ROBO2: variants seen among roughly 807,000 people sequenced by gnomAD.
ROBO2 encodes roundabout homolog 2.
Under a neutral mutation model 160.8 loss-of-function variants are expected in ROBO2, and 53 were observed. The observed-to-expected ratio is 0.33, with a 90% CI of 0.26 to 0.41. The LOEUF (loss-of-function observed/expected upper bound fraction) is 0.41. Among genes scored for constraint, ROBO2 ranks in the 10% least tolerant of loss-of-function variants. The pLI, the probability that ROBO2 is intolerant of heterozygous loss-of-function variation, is 1.00. For synonymous variants in ROBO2, 664 were observed against 611.7 expected (o/e 1.09, Z -1.26); for missense variants, 1,577 against 1,722.4 (o/e 0.92, Z 1.49).
At chr3:77,292,458 A>G (rs1317407380) in intron 2 of ROBO2, among the ~76,000 whole-genome samples, 2 of 151,992 alleles carry the variant, frequency 1.3e-5, no homozygotes, top group East Asian at 3.9e-4. Context: ...ATAAAGAAAA[A>G]TTGATGCTTA....
At chr3:76,703,019 T>C (rs1432954563) in intron 2 of ROBO2, among the ~76,000 whole-genome samples, 1 of 152,162 alleles carries the variant, frequency 6.6e-6, no homozygotes, top group African/African-American at 2.4e-5. Flanking sequence ...GGGTCAAGCC[T>C]AGTCAGAAGT....
chr3:76,338,590 C>A (rs2074031050), intron 2 of ROBO2, among the ~76,000 whole-genome samples: 2 of 151,962 alleles, frequency 1.3e-5, no homozygotes, highest in East Asian at 3.9e-4. Context: ...CAGGAAGGAT[C>A]ATTTGAGCCC....
intron 2 of ROBO2, among the ~76,000 whole-genome samples, chr3:75,962,496 G>A (rs1030580337): frequency 3.4e-4 from 52 of 151,622 alleles, no homozygotes; most frequent in African/African-American, 1.2e-3. Flanking sequence ...CTTTGCCTCC[G>A]ATATAACTGG....
chr3:76,459,990 A>T (rs890605242), intron 2 of ROBO2, among the ~76,000 whole-genome samples: 2 of 152,166 alleles, frequency 1.3e-5, no homozygotes, highest in Non-Finnish European at 2.9e-5. Flanking sequence ...GAATGTAAGA[A>T]TATTACTATT....
intron 2 of ROBO2, among the ~76,000 whole-genome samples, chr3:76,304,747 C>CTTCCTTCCTTCCTTCTTTCTTTCT (rs1553700107): frequency 9.8e-6 from 1 of 101,626 alleles, no homozygotes; most frequent in Non-Finnish European, 2.2e-5. Context: ...CTTTTCTTTC[C>CTTCCTTCCTTCCTTCTTTCTTTCT]TTCTTTCTTT....
chr3:76,890,179 C>G (rs1401319400), intron 2 of ROBO2, among the ~76,000 whole-genome samples: 2 of 152,120 alleles, frequency 1.3e-5, no homozygotes, highest in Non-Finnish European at 2.9e-5. Flanking sequence ...GGTTATTGAG[C>G]TATTACCAAG....
At chr3:76,852,116 G>C (rs1257695960) in intron 2 of ROBO2, among the ~76,000 whole-genome samples, 1 of 152,142 alleles carries the variant, frequency 6.6e-6, no homozygotes, top group African/African-American at 2.4e-5. Flanking sequence ...TAATGAGCAA[G>C]GAACTCCCTT....
chr3:76,942,511 C>T (rs980715194), intron 2 of ROBO2, among the ~76,000 whole-genome samples: 1 of 152,104 alleles, frequency 6.6e-6, no homozygotes, highest in Non-Finnish European at 1.5e-5. Context: ...AGAGTGTTGG[C>T]CTCACTTATC....
chr3:76,645,422 T>A (rs541477615), intron 2 of ROBO2, among the ~76,000 whole-genome samples: 65 of 152,346 alleles, frequency 4.3e-4, no homozygotes, highest in Admixed American at 1.2e-3. Context: ...AGAGCAGTAC[T>A]TTTTGTTCAG....
intron 2 of ROBO2, among the ~76,000 whole-genome samples, chr3:77,275,131 TTAATA>T (rs10593080): frequency 0.021 from 3,176 of 152,170 alleles, 50 homozygotes; most frequent in Non-Finnish European, 0.031. Flanking sequence ...ATTACATAAT[TTAATA>T]TATCAATGAA....
At chr3:76,319,416 C>T (rs1472317) in intron 2 of ROBO2, among the ~76,000 whole-genome samples, 139,674 of 152,064 alleles carry the variant, frequency 0.92, 65,101 homozygotes, top group Non-Finnish European at 1. Flanking sequence ...CCTCCATAAA[C>T]TTATAATTTA....
chr3:77,218,268 T>C (rs960926102), intron 2 of ROBO2, among the ~76,000 whole-genome samples: 1 of 152,164 alleles, frequency 6.6e-6, no homozygotes, highest in African/African-American at 2.4e-5. Flanking sequence ...TATGCCAACC[T>C]CCTTCTCATA....
intron 2 of ROBO2, among the ~76,000 whole-genome samples, chr3:76,132,523 C>T (rs991460536): frequency 9.9e-5 from 15 of 151,904 alleles, no homozygotes; most frequent in Admixed American, 9.2e-4. Flanking sequence ...CGGATGCCAC[C>T]GAGGACTAAC....
intron 2 of ROBO2, among the ~76,000 whole-genome samples, chr3:76,912,261 T>A (rs1341205551): frequency 6.6e-6 from 1 of 152,208 alleles, no homozygotes; most frequent in Non-Finnish European, 1.5e-5. Context: ...GCTCCTATTG[T>A]CAAATCACAA....
Position 76,559,975 on chromosome 3 carries a change from G to A in ROBO2, c.110-538039G>A, listed in dbSNP as rs78776834. 7.0e-3 allele frequency among the ~76,000 whole-genome samples: 1,063 copies of A among 152,148 alleles called. 16 individuals carry two copies. The highest frequency in any genetic ancestry group is 0.025 in the African/African-American group (1,033 of 41,524). ...TGCAGTTTTCCAAAACTTTAATTCTGCACTTTAAAATCCTTAGAGCAATGC... is the reference window on the plus strand; with the variant it reads ...TGCAGTTTTCCAAAACTTTAATTCTACACTTTAAAATCCTTAGAGCAATGC... On this transcript the variant is annotated intron_variant, in intron 2 of 26. Coordinates refer to the ROBO2 transcript ENST00000487694.
rs79615120 is a variant in ROBO2 at position 76,442,291 on chromosome 3, C to A, written c.109+504689C>A. On this transcript the variant is annotated intron_variant, in intron 2 of 26. Coordinates refer to the ROBO2 transcript ENST00000487694. ...GTCAAAAACTGCCCCAGCAACTTAT[C>A]CCTCCATATCCTAATTTAATCCTAA... Among the ~76,000 whole-genome samples the A allele has an allele frequency of 2.7e-3, 418 of 152,280 alleles. 1 individual carries two copies. Among genetic ancestry groups the A allele is most frequent in the African/African-American group, 9.8e-3 (407 of 41,562 alleles).
chr3:75,945,450 T>C (rs9873323), intron 2 of ROBO2, among the ~76,000 whole-genome samples: 66,181 of 151,856 alleles, frequency 0.44, 15,713 homozygotes, highest in South Asian at 0.66. Flanking sequence ...TAGAGTCTTA[T>C]TTGCTGTTGT....
intron 2 of ROBO2, among the ~76,000 whole-genome samples, chr3:76,492,567 A>G (rs956459034): frequency 2.0e-5 from 3 of 151,932 alleles, no homozygotes; most frequent in Non-Finnish European, 4.4e-5. Flanking sequence ...TAAAGAAAAA[A>G]AAAACAGGGA....
chr3:76,336,541 G>T (rs1212381785), intron 2 of ROBO2, among the ~76,000 whole-genome samples: 2 of 152,140 alleles, frequency 1.3e-5, no homozygotes, highest in Non-Finnish European at 2.9e-5. Flanking sequence ...TCCTTTTGAA[G>T]AATACTGCAG....
Sources: gnomAD v4.1 joint callset for allele counts (sites outside exome capture counted in the v4.1 genomes callset) on GRCh38, gnomAD v4.1.1 for gene constraint, MANE v1.5 for transcripts, NCBI Gene and HGNC (gene_info 2026-07-23, HGNC 2026-07-21) for gene names.